Variants in SNX1 observed in about 807,000 individuals in gnomAD.
SNX1 encodes the protein sorting nexin 1, also known as sorting nexin-1.
In SNX1, 36 loss-of-function variants were observed where a neutral mutation model predicts 71.8. That is an observed-to-expected ratio of 0.50 (90% CI 0.38 to 0.66). SNX1 has a LOEUF of 0.66. SNX1 is among the 30% of genes least tolerant of loss of function. The pLI is 0.00. For synonymous variants in SNX1, 254 were observed against 240.7 expected, an observed-to-expected ratio of 1.06 and a Z score of -0.51; for missense variants, 612 against 646.7, an observed-to-expected ratio of 0.95 and a Z score of 0.58.
At chr15:64,128,601 A>G (rs1292074665) in intron 8 of SNX1, among the ~76,000 whole-genome samples, 3 of 152,212 alleles carry the variant, frequency 2.0e-5, no homozygotes, top group African/African-American at 7.2e-5. Context: ...ATACTAAATA[A>G]ATGAGGGGGT....
At chr15:64,097,948 A>G (rs2080920524) in intron 1 of SNX1, among the ~76,000 whole-genome samples, 1 of 152,236 alleles carries the variant, frequency 6.6e-6, no homozygotes, top group Non-Finnish European at 1.5e-5. Flanking sequence ...GGTGCTTGAT[A>G]ATTCTAATAT....
intron 1 of SNX1, among the ~76,000 whole-genome samples, chr15:64,107,285 C>T (rs2081032138): frequency 6.6e-6 from 1 of 152,178 alleles, no homozygotes; most frequent in South Asian, 2.1e-4. Context: ...TTAACAGTAC[C>T]TACGTTTTTG....
Position 64,134,632 on chromosome 15 carries a change from G to GGTT in SNX1, c.1222-29_1222-27dup. The GGTT allele has an allele frequency of 6.3e-7, 1 of 1,592,800 alleles. No homozygotes were observed. The highest frequency in any genetic ancestry group is 8.6e-7 in the Non-Finnish European group (1 of 1,168,662). ...GAGCCAGCAGAGCTCTTGAAGAGCT[G>GGTT]GTTGTGCTCCTCCTCAACCCCACCC... On this transcript the variant is annotated intron_variant, in intron 11 of 14. Coordinates refer to ENST00000559844, the MANE Select transcript of SNX1 (RefSeq NM_003099.5). This position sits in a 1 kb window ranked among gnomAD's most constrained non-coding sequence, Gnocchi z 4.1.
chr15:64,112,551 C>A, intron 1 of SNX1, 22 bp from the exon 2 acceptor site: 1 of 1,519,042 alleles, frequency 6.6e-7, no homozygotes, highest in South Asian at 1.2e-5. Context: ...ATGTTTTATT[C>A]AGAGTATCTC....
At chr15:64,109,757 C>G (rs368030216) in intron 1 of SNX1, among the ~76,000 whole-genome samples, 46 of 152,288 alleles carry the variant, frequency 3.0e-4, no homozygotes, top group African/African-American at 1.0e-3. Flanking sequence ...ATGTAGGCAC[C>G]TCTGCCTCCC....
chr15:64,104,740 C>G (rs959870144), intron 1 of SNX1, among the ~76,000 whole-genome samples: 3 of 151,670 alleles, frequency 2.0e-5, no homozygotes, highest in Non-Finnish European at 1.5e-5. Flanking sequence ...CAAAATTTAG[C>G]TGGGTGTGAC....
At chr15:64,113,825 TAAAGAAA>T (rs1180320704) in intron 2 of SNX1, among the ~76,000 whole-genome samples, 2 of 149,034 alleles carry the variant, frequency 1.3e-5, no homozygotes, top group Non-Finnish European at 3.0e-5. Flanking sequence ...CATCTCAAAA[TAAAGAAA>T]GAAAGAAAGA....
chr15:64,099,390 G>T (rs2080935598), intron 1 of SNX1, among the ~76,000 whole-genome samples: 1 of 152,150 alleles, frequency 6.6e-6, no homozygotes, highest in Non-Finnish European at 1.5e-5. Context: ...GTATTTGTTG[G>T]TGAGCATTTT....
intron 1 of SNX1, among the ~76,000 whole-genome samples, chr15:64,109,490 TTTTTGTTTTG>T (rs142477216): frequency 0.025 from 3,703 of 149,810 alleles, 68 homozygotes; most frequent in Non-Finnish European, 0.035. Flanking sequence ...CTAGTGAAGA[TTTTTGTTTTG>T]TTTTGTTTTG....
intron 12 of SNX1, among the ~76,000 whole-genome samples, chr15:64,136,024 G>A (rs772789079): frequency 3.4e-4 from 51 of 152,140 alleles, no homozygotes; most frequent in Non-Finnish European, 6.6e-4. Context: ...AGTTTTCCAG[G>A]CCTTTCAGCC....
At chr15:64,113,983 A>T (rs984763775) in intron 2 of SNX1, among the ~76,000 whole-genome samples, 1 of 152,234 alleles carries the variant, frequency 6.6e-6, no homozygotes, top group African/African-American at 2.4e-5. Context: ...CCACAGCAGG[A>T]CATTCTTGGA....
Position 64,110,084 on chromosome 15 carries a change from A to G in SNX1, c.160-2489A>G, listed in dbSNP as rs568215926. Among the ~76,000 whole-genome samples the G allele has an allele frequency of 2.0e-5, 3 of 152,346 alleles. No homozygotes were observed. The South Asian group carries it at 6.2e-4, about 32-fold the overall frequency. Reference sequence around the variant, plus strand: ...AGGGGAATGATTATGTCATATATCCATAATGGAGAGTTCAGTAACTAAAAG... The same window carrying G: ...AGGGGAATGATTATGTCATATATCCGTAATGGAGAGTTCAGTAACTAAAAG... On this transcript the variant is annotated intron_variant, in intron 1 of 14. Transcript: ENST00000559844.
intron 1 of SNX1, among the ~76,000 whole-genome samples, chr15:64,099,510 G>A (rs1022181648): frequency 5.3e-5 from 8 of 152,158 alleles, no homozygotes; most frequent in African/African-American, 1.9e-4. Context: ...TTATTAGCCT[G>A]GCATGGTGGC....
At chr15:64,121,869 A>G (rs774861636) in intron 4 of SNX1, among the ~76,000 whole-genome samples, 8 of 149,294 alleles carry the variant, frequency 5.4e-5, no homozygotes, top group South Asian at 2.1e-4. Context: ...TTTATTCAAC[A>G]TGTGCTTCTT....
intron 1 of SNX1, among the ~76,000 whole-genome samples, chr15:64,105,653 G>A (rs1458342393): frequency 2.6e-5 from 4 of 152,092 alleles, no homozygotes; most frequent in Non-Finnish European, 5.9e-5. Flanking sequence ...ATTCTTCTGC[G>A]GTTTTCTGGG....
At position 64,143,824 on chromosome 15, in the gene SNX1, A is replaced by C. The variant is rs924681668; in HGVS notation, c.*6206A>C. The C allele has an allele frequency of 6.6e-6, 1 of 152,194 alleles. No homozygotes were observed. The highest frequency in any genetic ancestry group is 1.5e-5 in the Non-Finnish European group (1 of 68,024). 9.4% of individuals were successfully genotyped at this position (152,194 alleles called of 1,614,324 possible). A position where few individuals can be genotyped will look rare whatever the true frequency, so the allele number is the denominator to read the frequency against. ...CCTCATAGGCACTTCTAGAAACCAA[A>C]TCCTTGAAGATGACTAACCAGAAAT... On this transcript the variant is annotated 3_prime_UTR_variant, in exon 15 of 15. Coordinates refer to ENST00000559844, the MANE Select transcript of SNX1 (RefSeq NM_003099.5).
intron 1 of SNX1, among the ~76,000 whole-genome samples, chr15:64,101,063 A>C (rs2080956346): frequency 6.6e-6 from 1 of 152,170 alleles, no homozygotes; most frequent in South Asian, 2.1e-4. Flanking sequence ...TGGCCTCCCA[A>C]AGTGCTAGAA....
intron 1 of SNX1, among the ~76,000 whole-genome samples, chr15:64,105,032 C>A (rs1035106513): frequency 6.6e-6 from 1 of 151,722 alleles, no homozygotes; most frequent in African/African-American, 2.4e-5. Context: ...GTCAGGAGTT[C>A]GAGACCAGCC....
Position 64,123,690 on chromosome 15 carries a change from C to G in SNX1, c.510+144C>G, listed in dbSNP as rs564091858. The G allele has an allele frequency of 1.1e-4, 71 of 664,302 alleles. No homozygotes were observed. The African/African-American group carries it at 1.2e-3, about 11-fold the overall frequency. The allele number at this position is 664,302 out of a possible 1,614,324, so 41.2% of individuals were successfully genotyped here. On this transcript the variant is annotated intron_variant, in intron 5 of 14. Coordinates refer to ENST00000559844, the MANE Select transcript of SNX1 (RefSeq NM_003099.5). The stretch of plus-strand genomic sequence containing the variant: ...ACTCAAGATAGAGCAAGCCTGCATC[C>G]CCTTGGTAATCTCATCTGGGTACTC...
Sources: gnomAD v4.1 joint callset for allele counts (sites outside exome capture counted in the v4.1 genomes callset) on GRCh38, gnomAD v4.1.1 for gene constraint, Gnocchi (gnomAD v3.1) non-coding constraint, MANE v1.5 for transcripts, NCBI Gene and HGNC (gene_info 2026-07-23, HGNC 2026-07-21) for gene names.